The following SELE variants were observed in gnomAD, a reference collection of about 807,000 sequenced individuals.
The protein encoded by SELE is selectin E, also known as E-selectin.
A neutral mutation model predicts 75.8 loss-of-function variants in SELE; 52 were observed. That is an observed-to-expected ratio of 0.69 (90% CI 0.55 to 0.86). SELE has a LOEUF of 0.86. Among genes scored for constraint, SELE ranks in the 40% least tolerant of loss-of-function variants. The pLI, the probability that SELE is intolerant of heterozygous loss-of-function variation, is 0.00. For missense variants in SELE, 754 were observed against 732.7 expected (o/e 1.03, Z -0.34); for synonymous variants, 285 against 258.7 (o/e 1.10, Z -0.98).
In SELE at chr1:169,731,833, AC is replaced by A; in HGVS notation, c.529+1del. 2 of 1,602,850 alleles carry A rather than the reference AC, an allele frequency of 1.2e-6. No individual in the cohort carries two copies. Among genetic ancestry groups the A allele is most frequent in the Non-Finnish European group, 8.5e-7 (1 of 1,169,916 alleles). The stretch of plus-strand genomic sequence containing the variant: ...GAAGAAAGAGGCAAGAACCAGACTT[AC>A]TTTGCTCACACTTGAGTCCACTGAA... On this transcript the variant is annotated splice_donor_variant, in intron 4 of 13. Transcript: ENST00000333360. LOFTEE classifies it high-confidence loss of function.
At position 169,723,797 on chromosome 1, in the gene SELE, A is replaced by T. The variant is rs1433016444; in HGVS notation, c.*728T>A. 6.6e-6 allele frequency: 1 copy of T among 152,238 alleles called. No individual in the cohort carries two copies. The highest frequency in any genetic ancestry group is 1.5e-5 in the Non-Finnish European group (1 of 68,036). The allele number at this position is 152,238 out of a possible 1,614,324, so 9.4% of individuals were successfully genotyped here. A position where few individuals can be genotyped will look rare whatever the true frequency, so the allele number is the denominator to read the frequency against. ...CCATATCATAGTTGACAGCATTTAC[A>T]AGTTTTTTAAGTCCCTACCACACTT... is the stretch of plus-strand genomic sequence containing the variant. On this transcript the variant is annotated 3_prime_UTR_variant, in exon 14 of 14. Transcript: ENST00000333360.
chr1:169,732,292 T>A (rs4656705), intron 3 of SELE, among the ~76,000 whole-genome samples: 3 of 127,314 alleles, frequency 2.4e-5, no homozygotes, highest in East Asian at 4.1e-4. Context: ...TTATATATAT[T>A]TTATATATAT....
At chr1:169,733,890 G>C (rs1033757522) in intron 1 of SELE, 81 bp downstream of exon 1, 11 of 463,048 alleles carry the variant, frequency 2.4e-5, no homozygotes, top group Non-Finnish European at 3.5e-5. Flanking sequence ...AGCTTGTACA[G>C]ATGTGGTTTT....
Position 169,728,086 on chromosome 1 carries a change from C to T in SELE, c.1251G>A (p.Glu417=), listed in dbSNP as rs747152299. 1 of 1,613,716 alleles carries T rather than the reference C, an allele frequency of 6.2e-7. No individual in the cohort carries two copies. Among genetic ancestry groups the T allele is most frequent in the Non-Finnish European group, 8.5e-7 (1 of 1,179,908 alleles). ...SKRLQCGPTG[E]WDNEKPTCEA... ...CACATGTGGGCTTCTCGTTGTCCCA[C>T]TCCCCTGTGGGGCCACATTGGAGCC... Residue 417 remains glutamate (E), a synonymous_variant, in exon 8 of 14, where the codon GAG becomes GAA. Transcript: ENST00000333360.
chr1:169,727,222 T>C (rs774973380), intron 10 of SELE, 127 bp downstream of exon 10: 7 of 965,016 alleles, frequency 7.3e-6, no homozygotes, highest in Non-Finnish European at 1.1e-5. Flanking sequence ...TACAACTTAA[T>C]ATTCACAACT....
chr1:169,727,714 TA>T, intron 9 of SELE, 24 bp downstream of exon 9: 1 of 1,608,684 alleles, frequency 6.2e-7, no homozygotes, highest in Non-Finnish European at 8.5e-7. Flanking sequence ...ACCTGTACCC[TA>T]AAAAAGTCTG....
At position 169,728,124 on chromosome 1, in the gene SELE, T is replaced by A. The variant is rs759191428; in HGVS notation, c.1213A>T (p.Lys405Ter). The change falls in exon 8 of 14, where the codon AAG (lysine) becomes TAG (stop). Residue 405 changes from lysine (K) to a stop codon, truncating the protein, a stop_gained. Transcript: ENST00000333360. LOFTEE classifies it high-confidence loss of function. Reference protein sequence around the residue: ...EFSCEQGFVLKGSKRLQCGPT... With the variant: ...EFSCEQGFVL ...CCACATTGGAGCCTTTTGGATCCCT[T>A]CAACACAAAACCCTGCTCACAGGAG... 1 of 1,614,206 alleles carries A rather than the reference T, an allele frequency of 6.2e-7. No homozygotes were observed. The highest frequency in any genetic ancestry group is 8.5e-7 in the Non-Finnish European group (1 of 1,180,034).
chr1:169,730,625 A>G lies in SELE; in HGVS notation c.530-8T>C. 6.3e-7 allele frequency: 1 copy of G among 1,585,884 alleles called. No homozygotes were observed. ...GGGCTGTACAGTTCACAACTGAAAA[A>G]GAAACCCAAATCAGTTCTGCTCATC... On this transcript the variant is annotated splice_region_variant and splice_polypyrimidine_tract_variant and intron_variant, in intron 4 of 13. Transcript: ENST00000333360.
chr1:169,726,815 G>T lies in SELE; in HGVS notation c.1646-9C>A. The T allele has an allele frequency of 6.3e-7, 1 of 1,592,768 alleles. No homozygotes were observed. The highest frequency in any genetic ancestry group is 2.2e-5 in the East Asian group (1 of 44,714). On this transcript the variant is annotated splice_polypyrimidine_tract_variant and intron_variant, in intron 10 of 13. Transcript: ENST00000333360. ...GTTGGACTCAGTGGGAGCTAAGGAA[G>T]TAAGAGACGAAGAAAGGTCATGAGG... is the stretch of plus-strand genomic sequence containing the variant.
chr1:169,725,635 C>T, intron 13 of SELE, 94 bp downstream of exon 13: 7 of 995,382 alleles, frequency 7.0e-6, no homozygotes, highest in Non-Finnish European at 1.1e-5. Flanking sequence ...CTGCTCCCTC[C>T]CTAAGATATT....
intron 7 of SELE, among the ~76,000 whole-genome samples, chr1:169,728,457 A>AT (rs1648832421): frequency 6.6e-6 from 1 of 152,226 alleles, no homozygotes; most frequent in Non-Finnish European, 1.5e-5. Flanking sequence ...TAATCAGAAC[A>AT]TTAGTTCCTG....
At chr1:169,730,648 A>G in intron 4 of SELE, 31 bp from the exon 5 acceptor site, 1 of 1,473,068 alleles carries the variant, frequency 6.8e-7, no homozygotes, top group South Asian at 1.4e-5. Context: ...AGTTCTGCTC[A>G]TCTCTCACCT....
intron 4 of SELE, 195 bp downstream of exon 4, chr1:169,731,640 G>C (rs930135328): frequency 3.9e-6 from 2 of 513,214 alleles, no homozygotes; most frequent in Non-Finnish European, 7.0e-6. Context: ...ATCTTGTCAA[G>C]GTGCCAAAAT....
rs1008531987 is a variant in SELE at position 169,730,015 on chromosome 1, G to C, written c.716-342C>G. Among the ~76,000 whole-genome samples the C allele has an allele frequency of 2.0e-5, 3 of 152,082 alleles. No individual in the cohort carries two copies. The South Asian group carries it at 6.2e-4, about 32-fold the overall frequency. On this transcript the variant is annotated intron_variant, in intron 5 of 13. Transcript: ENST00000333360. The stretch of plus-strand genomic sequence containing the variant: ...TTATTTTAGCCCATCAGAGCCTGAA[G>C]AACTGATTTTTCTTTTTTTGGCCTC...
intron 13 of SELE, 119 bp downstream of exon 13, chr1:169,725,610 G>A: frequency 1.4e-6 from 1 of 725,912 alleles, no homozygotes; most frequent in Non-Finnish European, 2.3e-6. Context: ...CAATACCCAG[G>A]TGATGATTTC....
intron 5 of SELE, among the ~76,000 whole-genome samples, 163 bp from the exon 6 acceptor site, chr1:169,729,836 T>C (rs982918733): frequency 6.6e-6 from 1 of 152,228 alleles, no homozygotes; most frequent in African/African-American, 2.4e-5. Flanking sequence ...AAGCTTTTAT[T>C]CTTTTTCATG....
chr1:169,730,698 G>GTTTT, intron 4 of SELE, 81 bp from the exon 5 acceptor site: 14 of 566,700 alleles, frequency 2.5e-5, no homozygotes, highest in South Asian at 8.9e-5. Flanking sequence ...CTACAGTTTG[G>GTTTT]TTTTTTTTTT....
At chr1:169,732,015 A>G in intron 3 of SELE, 73 bp from the exon 4 acceptor site, 1 of 871,154 alleles carries the variant, frequency 1.1e-6, no homozygotes, top group Non-Finnish European at 1.9e-6. Context: ...TTTTAGAATC[A>G]ACAGTGTGCA....
At position 169,733,666 on chromosome 1, in the gene SELE, G is replaced by A. The variant is rs1406518227; in HGVS notation, c.-48-6C>T. The A allele has an allele frequency of 3.3e-6, 5 of 1,536,682 alleles. No homozygotes were observed. The highest frequency in any genetic ancestry group is 4.5e-6 in the Non-Finnish European group (5 of 1,109,756). On this transcript the variant is annotated splice_region_variant and splice_polypyrimidine_tract_variant and intron_variant, in intron 1 of 13. Coordinates refer to ENST00000333360, the MANE Select transcript of SELE (RefSeq NM_000450.2). ...TTTAGGCTTGAAATACTTTCCTGGG[G>A]AGATAAAACACAAAATGAATTAAAG...
Sources: gnomAD v4.1 joint callset for allele counts (sites outside exome capture counted in the v4.1 genomes callset) on GRCh38, gnomAD v4.1.1 for gene constraint, MANE v1.5 for transcripts, NCBI Gene and HGNC (gene_info 2026-07-23, HGNC 2026-07-21) for gene names.